Variants in ZSCAN25 observed in about 807,000 individuals in gnomAD.
ZSCAN25 encodes the protein zinc finger and SCAN domain containing 25, also known as zinc finger and SCAN domain-containing protein 25.
A neutral mutation model predicts 38.7 loss-of-function variants in ZSCAN25; 27 were observed. The ratio of observed to expected loss-of-function variants is 0.70; its 90% CI spans 0.51 to 0.96. ZSCAN25 has a LOEUF of 0.96. ZSCAN25 is among the 40% of genes least tolerant of loss of function. The probability of loss-of-function intolerance (pLI) is 0.00; values close to 1 mark genes in which losing one functional copy is unlikely to be tolerated. For synonymous variants in ZSCAN25, 273 were observed against 277.7 expected (o/e 0.98, Z 0.17); for missense variants, 637 against 705.9 (o/e 0.90, Z 1.11).
At chr7:99,640,455 G>T in the ZSCAN25 span, among the ~76,000 whole-genome samples, 1 of 152,168 alleles carries the variant, frequency 6.6e-6, no homozygotes, top group African/African-American at 2.4e-5. Context: ...ACCGCACCTG[G>T]CCTCTCCCTT....
chr7:99,700,369 G>A, the ZSCAN25 span, among the ~76,000 whole-genome samples: 4 of 152,036 alleles, frequency 2.6e-5, no homozygotes. Flanking sequence ...CCTCTCACCT[G>A]CCCTTGTTTC....
At chr7:99,676,549 A>G in the ZSCAN25 span, 1 of 1,359,944 alleles carries the variant, frequency 7.4e-7, no homozygotes, top group Non-Finnish European at 9.7e-7. Context: ...TAGTAAGTGG[A>G]CTCTTCGCTG....
At chr7:99,696,985 A>G in the ZSCAN25 span, among the ~76,000 whole-genome samples, 3 of 152,092 alleles carry the variant, frequency 2.0e-5, no homozygotes, top group Non-Finnish European at 4.4e-5. Context: ...ATGATTGAAC[A>G]TTTCCTGAGG....
At chr7:99,720,057 G>T in the ZSCAN25 span, among the ~76,000 whole-genome samples, 2 of 152,006 alleles carry the variant, frequency 1.3e-5, no homozygotes, top group African/African-American at 4.8e-5. Context: ...ACAAATGAGG[G>T]CACATAAAAC....
At chr7:99,653,994 A>T in the ZSCAN25 span, among the ~76,000 whole-genome samples, 1 of 152,188 alleles carries the variant, frequency 6.6e-6, no homozygotes. This position sits in a 1 kb window ranked among gnomAD's most constrained non-coding sequence, Gnocchi z 4.2. Context: ...CCATAGCCAG[A>T]CCAGAGTGAG....
At chr7:99,708,040 G>A in the ZSCAN25 span, 1 of 1,610,936 alleles carries the variant, frequency 6.2e-7, no homozygotes, top group South Asian at 1.1e-5. Flanking sequence ...TACATGTTAG[G>A]GTTTCTTACT....
intron 3 of ZSCAN25, 127 bp from the exon 4 acceptor site, chr7:99,619,434 G>T: frequency 1.4e-6 from 1 of 730,506 alleles, no homozygotes; most frequent in South Asian, 2.0e-5. Context: ...TGACTTTTGG[G>T]ATCTGTGTTC....
chr7:99,617,683 T>C (rs1806587241), intron 1 of ZSCAN25, among the ~76,000 whole-genome samples: 1 of 152,174 alleles, frequency 6.6e-6, no homozygotes, highest in South Asian at 2.1e-4. Flanking sequence ...AGGCAAAGGC[T>C]GCAGTGATCG....
chr7:99,678,515 T>C, the ZSCAN25 span, among the ~76,000 whole-genome samples: 7 of 152,194 alleles, frequency 4.6e-5, no homozygotes, highest in African/African-American at 1.7e-4. Context: ...TGCAGTCTTG[T>C]CTTAGAGGTA....
At chr7:99,723,478 C>A in the ZSCAN25 span, among the ~76,000 whole-genome samples, 1 of 152,192 alleles carries the variant, frequency 6.6e-6, no homozygotes, top group Non-Finnish European at 1.5e-5. Flanking sequence ...TTTGCAGACT[C>A]CTTTTCGGAC....
Position 99,629,451 on chromosome 7 carries a change from G to A in ZSCAN25, c.1066G>A (p.Gly356Arg). 1 of 1,614,228 alleles carries A rather than the reference G, an allele frequency of 6.2e-7. No homozygotes were observed. The stretch of plus-strand genomic sequence containing the variant: ...TTTCCAGTGCCCTGAGTGTGGGAAA[G>A]GATTCAGTCGGAGCTCCAATCTCGT... ...KPFQCPECGKGFSRSSNLVRH... is the reference protein window; with the variant it reads ...KPFQCPECGKRFSRSSNLVRH... Residue 356 changes from glycine (G) to arginine (R), a missense_variant, in exon 8 of 8, where the codon GGA (glycine) becomes AGA (arginine). Gly to Arg is a moderately radical substitution (Grantham distance 125, BLOSUM62 -2). Transcript: ENST00000394152. This position sits in a 1 kb window ranked among gnomAD's most constrained non-coding sequence, Gnocchi z 5.6.
intron 1 of ZSCAN25, among the ~76,000 whole-genome samples, chr7:99,617,702 G>A (rs1806589767): frequency 6.6e-6 from 1 of 152,220 alleles, no homozygotes; most frequent in African/African-American, 2.4e-5. Flanking sequence ...CGCACCACTG[G>A]TCTCCAGCTG....
intron 7 of ZSCAN25, among the ~76,000 whole-genome samples, chr7:99,626,811 C>T (rs150228083): frequency 3.8e-4 from 58 of 152,210 alleles, no homozygotes; most frequent in African/African-American, 1.2e-3. Context: ...GTGTACAATC[C>T]ATTTTGAAGG....
chr7:99,656,731 A>G, the ZSCAN25 span, among the ~76,000 whole-genome samples: 5 of 152,174 alleles, frequency 3.3e-5, no homozygotes, highest in Non-Finnish European at 5.9e-5. Flanking sequence ...TTGGTTGGTA[A>G]GCTATTAATT....
chr7:99,619,282 A>G (rs917318420), intron 3 of ZSCAN25, 150 bp downstream of exon 3: 2 of 252,952 alleles, frequency 7.9e-6, no homozygotes, highest in Non-Finnish European at 7.7e-6. Context: ...ATAACCCATT[A>G]TATATTATTC....
chr7:99,712,760 A>G, the ZSCAN25 span, among the ~76,000 whole-genome samples: 2 of 152,200 alleles, frequency 1.3e-5, no homozygotes, highest in African/African-American at 4.8e-5. Context: ...TTAAATATTC[A>G]GGAATTTTGT....
rs1807901452 is a variant in ZSCAN25, at chr7:99,630,398, G to A, written c.*378G>A. On this transcript the variant is annotated 3_prime_UTR_variant, in exon 8 of 8. Coordinates refer to ENST00000394152, the MANE Select transcript of ZSCAN25 (RefSeq NM_145115.3). The stretch of plus-strand genomic sequence containing the variant: ...CTGAGGGCTCTGTCTTGCCTGCAGG[G>A]TCATAGCTCAGACTCTTCCCCCACC... 1 of 1,038,230 alleles carries A rather than the reference G, an allele frequency of 9.6e-7. No individual in the cohort carries two copies. Among genetic ancestry groups the A allele is most frequent in the African/African-American group, 1.7e-5 (1 of 58,920 alleles). The allele number at this position is 1,038,230 out of a possible 1,614,324, so 64.3% of individuals were successfully genotyped here.
At chr7:99,633,342 T>G (rs571185564), downstream of ZSCAN25, among the ~76,000 whole-genome samples, 104 of 152,344 alleles carry the variant, frequency 6.8e-4, no homozygotes, top group Non-Finnish European at 1.3e-3. Context: ...TAGATCTGCT[T>G]CTTTCGTTAG....
At chr7:99,730,720 A>G in the ZSCAN25 span, 1 of 275,050 alleles carries the variant, frequency 3.6e-6, no homozygotes, top group Non-Finnish European at 7.0e-6. Context: ...TCCTACTTTT[A>G]ATACTAACTA....
Sources: allele counts gnomAD v4.1 joint callset (sites outside exome capture counted in the v4.1 genomes callset), GRCh38; gene constraint gnomAD v4.1.1; non-coding constraint Gnocchi (gnomAD v3.1); transcripts MANE v1.5; gene names NCBI Gene and HGNC (gene_info 2026-07-23, HGNC 2026-07-21).